The following MTMR11 variants were observed in gnomAD, a reference collection of about 807,000 sequenced individuals.
MTMR11 encodes myotubularin related protein 11, also known as myotubularin-related protein 11.
Under a neutral mutation model 100.0 loss-of-function variants are expected in MTMR11, and 89 were observed. That is an observed-to-expected ratio of 0.89 (90% confidence interval 0.75 to 1.06). The LOEUF is 1.06. MTMR11 is among the 50% of genes least tolerant of loss of function. The pLI is 0.00. For missense variants in MTMR11, 809 were observed against 873.7 expected (o/e 0.93, Z 0.93); for synonymous variants, 336 against 326.3 (o/e 1.03, Z -0.32).
At position 149,934,221 on chromosome 1, in the gene MTMR11, G is replaced by A. The variant is rs368805416; in HGVS notation, c.653C>T (p.Thr218Met). The A allele has an allele frequency of 3.0e-5, 49 of 1,614,156 alleles. No homozygotes were observed. Among genetic ancestry groups the A allele is most frequent in the Non-Finnish European group, 3.6e-5 (42 of 1,180,034 alleles). ...GGCTACGTCGAACCTCTCGTTGACC[G>A]TGCTGACCCTCCAGCCTCTGGCTGC... is the stretch of plus-strand genomic sequence containing the variant. ...KQAARGWRVS[T>M]VNERFDVATS... Residue 218 changes from threonine to methionine, a missense_variant, in exon 7 of 17, where the codon ACG becomes ATG. By Grantham distance (81) the Thr-to-Met change is moderately conservative (BLOSUM62 -1). Coordinates refer to ENST00000439741, the MANE Select transcript of MTMR11 (RefSeq NM_001145862.2).
rs200112745 is a variant in MTMR11, at chr1:149,936,207, G to A, written c.89C>T (p.Pro30Leu). 4.8e-5 allele frequency: 78 copies of A among 1,614,048 alleles called. No homozygotes were observed. The East Asian group carries it at 9.6e-4, about 20-fold the overall frequency. ...EMGSVQENRM[P>L]EPRSRQPSSC... ...GCTAGGCTGACGACTCCTGGGCTCC[G>A]GCATCCTATTTTCCTGGACAGACTT... Residue 30 changes from proline (P) to leucine (L), a missense_variant, in exon 2 of 17, where the codon CCG (proline) becomes CTG (leucine). Pro to Leu is a moderately conservative substitution (Grantham distance 98). Transcript: ENST00000439741.
Position 149,928,847 on chromosome 1 carries a change from A to C in MTMR11, c.*282T>G, listed in dbSNP as rs2092614870. On this transcript the variant is annotated 3_prime_UTR_variant, in exon 17 of 17. Transcript: ENST00000439741. ...GGCCATCTTGTTGGGACTGATGAAC[A>C]GCATCTCTGATCTCATGATTTAACA... 2 of 1,606,552 alleles carry C rather than the reference A, an allele frequency of 1.2e-6. No individual in the cohort carries two copies. The highest frequency in any genetic ancestry group is 8.5e-7 in the Non-Finnish European group (1 of 1,173,204).
intron 12 of MTMR11, 111 bp downstream of exon 12, chr1:149,931,833 C>G: frequency 1.0e-6 from 1 of 960,968 alleles, no homozygotes; most frequent in Non-Finnish European, 1.6e-6. Context: ...CAGGTAGTTC[C>G]CAGGAACAGG....
intron 7 of MTMR11, 80 bp downstream of exon 7, chr1:149,934,111 G>A (rs1169450599): frequency 5.6e-6 from 9 of 1,597,006 alleles, no homozygotes; most frequent in East Asian, 2.2e-5. Flanking sequence ...TGGAGTTTGT[G>A]GGAAGTCCTA....
At chr1:149,931,010 G>A in intron 13 of MTMR11, 45 bp from the exon 14 acceptor site, 1 of 1,523,192 alleles carries the variant, frequency 6.6e-7, no homozygotes, top group Non-Finnish European at 8.8e-7. Context: ...GGGACCCAAA[G>A]AGGGAGGATG....
intron 12 of MTMR11, chr1:149,931,713 ATCCG>A: frequency 3.4e-6 from 2 of 583,478 alleles, no homozygotes; most frequent in Non-Finnish European, 6.1e-6. Context: ...CCCAGTCTCC[ATCCG>A]CTGATGGAAG....
rs782580476 is a variant in MTMR11, at chr1:149,935,583, C to T, written c.264+1G>A. 6.2e-7 allele frequency: 1 copy of T among 1,613,682 alleles called. No individual in the cohort carries two copies. The highest frequency in any genetic ancestry group is 1.1e-5 in the South Asian group (1 of 91,072). On this transcript the variant is annotated splice_donor_variant, in intron 3 of 16. Transcript: ENST00000439741. LOFTEE classifies it high-confidence loss of function. Reference sequence around the variant, plus strand: ...CATTTCTGTGGCCCCAACCATCTCACCTGATTCCACTGCCATCCACAGGGC... The same window carrying T: ...CATTTCTGTGGCCCCAACCATCTCATCTGATTCCACTGCCATCCACAGGGC...
At position 149,936,192 on chromosome 1, in the gene MTMR11, C is replaced by T. The variant is rs782379924; in HGVS notation, c.104G>A (p.Arg35His). 8.6e-5 allele frequency: 139 copies of T among 1,613,986 alleles called. No homozygotes were observed. Among genetic ancestry groups the T allele is most frequent in the Middle Eastern group, 1.6e-4 (1 of 6,080 alleles). ...QENRMPEPRS[R>H]QPSSCLASRC... is the part of the protein sequence containing the mutation. The stretch of plus-strand genomic sequence containing the variant: ...GGAGGCCAGGCAACTGCTAGGCTGA[C>T]GACTCCTGGGCTCCGGCATCCTATT... Residue 35 changes from arginine to histidine, a missense_variant, in exon 2 of 17, where the codon CGT (arginine) becomes CAT (histidine). Coordinates refer to ENST00000439741, the MANE Select transcript of MTMR11 (RefSeq NM_001145862.2).
intron 10 of MTMR11, among the ~76,000 whole-genome samples, chr1:149,933,196 T>G (rs587676168): frequency 3.9e-5 from 6 of 152,022 alleles, no homozygotes; most frequent in African/African-American, 1.4e-4. Context: ...CCTCAAGTGA[T>G]CTGCCCACCT....
chr1:149,930,706 C>T, intron 14 of MTMR11, 86 bp downstream of exon 14: 1 of 1,438,020 alleles, frequency 7.0e-7, no homozygotes, highest in Non-Finnish European at 9.3e-7. Flanking sequence ...ACAGACCTCA[C>T]TTCTCATAAA....
chr1:149,936,581 C>A lies in MTMR11; in HGVS notation c.66+1G>T. On this transcript the variant is annotated splice_donor_variant, in intron 1 of 16. Coordinates refer to ENST00000439741, the MANE Select transcript of MTMR11 (RefSeq NM_001145862.2). LOFTEE classifies it high-confidence loss of function. ...ACACCCCCCAAATTCCTTCTCCTTA[C>A]CCCCATCTCTGGCTCCTCCTTCTGG... is the stretch of plus-strand genomic sequence containing the variant. 3.3e-6 allele frequency: 5 copies of A among 1,526,784 alleles called. No individual in the cohort carries two copies. The highest frequency in any genetic ancestry group is 4.4e-6 in the Non-Finnish European group (5 of 1,125,118). 94.6% of individuals were successfully genotyped at this position (1,526,784 alleles called of 1,614,324 possible).
rs1804775 is a variant in MTMR11 at position 149,928,718 on chromosome 1, T to C, written c.*411A>G. The C allele has an allele frequency of 0.055, 39,422 of 714,020 alleles. 1,339 individuals are homozygous for C. Among genetic ancestry groups the C allele is most frequent in the Non-Finnish European group, 0.072 (30,281 of 418,278 alleles). 44.2% of individuals were successfully genotyped at this position (714,020 alleles called of 1,614,324 possible). A position where few individuals can be genotyped will look rare whatever the true frequency, so the allele number is the denominator to read the frequency against. ...TTCCACTACAAAAATACAGAGGAGA[T>C]AGGGTGTTTCCTGTATCCGCCTCAT... is the stretch of plus-strand genomic sequence containing the variant. On this transcript the variant is annotated 3_prime_UTR_variant, in exon 17 of 17. Coordinates refer to ENST00000439741, the MANE Select transcript of MTMR11 (RefSeq NM_001145862.2).
chr1:149,936,309 C>A, intron 1 of MTMR11, 80 bp from the exon 2 acceptor site: 2 of 1,586,356 alleles, frequency 1.3e-6, no homozygotes, highest in Non-Finnish European at 1.7e-6. Context: ...CCTGTAGAGG[C>A]CTACACTCAC....
Position 149,929,136 on chromosome 1 carries a change from A to T in MTMR11, c.2123T>A (p.Leu708Gln). ...GILKGRAEGD[L>Q]G ...ATTAGACAGAACCCTCCTCTACCCCAGATCCCCCTCTGCCCTGCCTTTGAG... is the reference window on the plus strand; with the variant it reads ...ATTAGACAGAACCCTCCTCTACCCCTGATCCCCCTCTGCCCTGCCTTTGAG... The change falls in exon 17 of 17, where the codon CTG becomes CAG. Residue 708 changes from leucine to glutamine, a missense_variant. Coordinates refer to ENST00000439741, the MANE Select transcript of MTMR11 (RefSeq NM_001145862.2). The T allele has an allele frequency of 6.2e-7, 1 of 1,610,906 alleles. No individual in the cohort carries two copies. Among genetic ancestry groups the T allele is most frequent in the East Asian group, 2.2e-5 (1 of 44,802 alleles).
In MTMR11 at chr1:149,935,282, AC is replaced by A. The variant is rs3214801; in HGVS notation, c.325+16del. 7.4e-3 allele frequency: 10,384 copies of A among 1,402,666 alleles called. 147 individuals carry two copies. Among genetic ancestry groups the A allele is most frequent in the African/African-American group, 0.069 (4,623 of 67,332 alleles). The allele number at this position is 1,402,666 out of a possible 1,614,324, so 86.9% of individuals were successfully genotyped here. On this transcript the variant is annotated intron_variant, in intron 4 of 16. Transcript: ENST00000439741. ...CAACCCCAGTGAACCCCTTCACCAA[AC>A]CCCCCCCCAACTTACCAGCCTCTAA...
chr1:149,936,516 CT>C, intron 1 of MTMR11, 65 bp downstream of exon 1: 1 of 1,332,820 alleles, frequency 7.5e-7, no homozygotes, highest in Non-Finnish European at 1.0e-6. Context: ...TTGCTTCCCC[CT>C]TTTATCTCCA....
Position 149,933,532 on chromosome 1 carries a change from T to C in MTMR11, c.861-2A>G. 1 of 1,614,064 alleles carries C rather than the reference T, an allele frequency of 6.2e-7. No individual in the cohort carries two copies. Among genetic ancestry groups the C allele is most frequent in the East Asian group, 2.2e-5 (1 of 44,870 alleles). On this transcript the variant is annotated splice_acceptor_variant, in intron 9 of 16. Transcript: ENST00000439741. LOFTEE classifies it high-confidence loss of function. The stretch of plus-strand genomic sequence containing the variant: ...GCCTGGAGCATCAACTCCACTGCTC[T>C]GGAGGGGAGGGAGTCAGGAAATAAG...
At chr1:149,936,083 G>C in intron 2 of MTMR11, 71 bp downstream of exon 2, 1 of 1,492,970 alleles carries the variant, frequency 6.7e-7, no homozygotes, top group Non-Finnish European at 9.3e-7. Context: ...GGTATCTTTG[G>C]TGAGGGCATG....
chr1:149,934,710 C>T (rs1553768633), intron 5 of MTMR11, among the ~76,000 whole-genome samples, 184 bp from the exon 6 acceptor site: 1 of 152,200 alleles, frequency 6.6e-6, no homozygotes, highest in African/African-American at 2.4e-5. Flanking sequence ...TCTGGAACCA[C>T]AGAATCCTAG....
Sources: allele counts gnomAD v4.1 joint callset (sites outside exome capture counted in the v4.1 genomes callset), GRCh38; gene constraint gnomAD v4.1.1; transcripts MANE v1.5; gene names NCBI Gene and HGNC (gene_info 2026-07-23, HGNC 2026-07-21).